KCMF1: variants seen among roughly 807,000 people sequenced by gnomAD.
KCMF1 encodes the protein E3 ubiquitin-protein ligase KCMF1.
KCMF1 carries 3 observed loss-of-function variants against 41.1 expected under a neutral mutation model. That is an observed-to-expected ratio of 0.07 (90% confidence interval 0.03 to 0.19). The LOEUF is 0.19. Among genes scored for constraint, KCMF1 ranks in the 10% least tolerant of loss-of-function variants. The pLI is 1.00. For missense variants in KCMF1, 286 were observed against 488.9 expected (o/e 0.58, Z 3.91); for synonymous variants, 142 against 164.5 (o/e 0.86, Z 1.04).
chr2:85,010,116 T>C (rs930177816), intron 1 of KCMF1, among the ~76,000 whole-genome samples: 1 of 152,232 alleles, frequency 6.6e-6, no homozygotes, highest in East Asian at 1.9e-4. Flanking sequence ...AATTGTCTTT[T>C]ATTTCAATTT....
At chr2:85,022,863 T>TAGGAAAAAC (rs1674977567) in intron 1 of KCMF1, among the ~76,000 whole-genome samples, 5 of 151,766 alleles carry the variant, frequency 3.3e-5, no homozygotes, top group Admixed American at 2.0e-4. Context: ...GATACTGGTT[T>TAGGAAAAAC]TCAACTTTAT....
chr2:84,985,846 G>T (rs2103971392), intron 1 of KCMF1, among the ~76,000 whole-genome samples: 1 of 151,426 alleles, frequency 6.6e-6, no homozygotes, highest in Admixed American at 6.6e-5. Flanking sequence ...AAAAACCCTT[G>T]GGCCTAGAAA....
intron 6 of KCMF1, among the ~76,000 whole-genome samples, chr2:85,051,808 C>T (rs1675814757): frequency 6.6e-6 from 1 of 152,188 alleles, no homozygotes; most frequent in African/African-American, 2.4e-5. Context: ...TACTGTTGGG[C>T]TTCTTAGAAC....
At chr2:85,049,332 A>G (rs1675748830) in intron 5 of KCMF1, 34 bp from the exon 6 acceptor site, 1 of 1,604,098 alleles carries the variant, frequency 6.2e-7, no homozygotes, top group Non-Finnish European at 8.5e-7. Flanking sequence ...CTCAGTATTA[A>G]GCAGACATTA....
At chr2:84,995,693 C>T (rs554539308) in intron 1 of KCMF1, among the ~76,000 whole-genome samples, 1 of 152,272 alleles carries the variant, frequency 6.6e-6, no homozygotes, top group South Asian at 2.1e-4. Context: ...TGGCTCATGC[C>T]TGTAATCCCA....
chr2:85,010,151 G>C (rs938644002), intron 1 of KCMF1, among the ~76,000 whole-genome samples: 2 of 152,088 alleles, frequency 1.3e-5, no homozygotes, highest in African/African-American at 2.4e-5. Flanking sequence ...AAGAGTTTCA[G>C]AAAGCAACAA....
chr2:84,973,835 T>C (rs1673463245), intron 1 of KCMF1, among the ~76,000 whole-genome samples: 1 of 145,680 alleles, frequency 6.9e-6, no homozygotes, highest in Non-Finnish European at 1.5e-5. Flanking sequence ...CTTTTTTTTT[T>C]TTTTTTTTTT....
At chr2:84,982,927 C>T (rs1673802003) in intron 1 of KCMF1, among the ~76,000 whole-genome samples, 2 of 152,176 alleles carry the variant, frequency 1.3e-5, no homozygotes, top group African/African-American at 4.8e-5. Context: ...ATTTTCTCTT[C>T]TCTAGGAAAA....
At chr2:84,984,292 G>C (rs568655700) in intron 1 of KCMF1, among the ~76,000 whole-genome samples, 1 of 152,042 alleles carries the variant, frequency 6.6e-6, no homozygotes, top group African/African-American at 2.4e-5. Flanking sequence ...GTAGGGATGG[G>C]GTCTTGCTGT....
intron 1 of KCMF1, among the ~76,000 whole-genome samples, chr2:85,005,295 TA>T (rs199606510): frequency 1.3e-4 from 20 of 151,674 alleles, no homozygotes; most frequent in African/African-American, 2.7e-4. Context: ...TTTATTTATT[TA>T]TTTTTTTTTT....
chr2:85,017,336 C>T (rs968260941), intron 1 of KCMF1, among the ~76,000 whole-genome samples: 13 of 152,284 alleles, frequency 8.5e-5, no homozygotes, highest in Non-Finnish European at 1.5e-4. Flanking sequence ...ATCTAAGATC[C>T]TCTTCTAAGG....
intron 1 of KCMF1, among the ~76,000 whole-genome samples, chr2:85,026,491 T>C (rs1030426356): frequency 6.8e-6 from 1 of 147,138 alleles, no homozygotes; most frequent in Non-Finnish European, 1.5e-5. Flanking sequence ...TTATTATTAT[T>C]ATTATTTTTA....
intron 3 of KCMF1, among the ~76,000 whole-genome samples, chr2:85,039,640 T>C (rs981066380): frequency 1.4e-4 from 22 of 152,162 alleles, no homozygotes; most frequent in Admixed American, 1.4e-3. Flanking sequence ...ATGGAGACTC[T>C]GTACGTTCTT....
At chr2:84,981,440 C>T (rs1031344750) in intron 1 of KCMF1, among the ~76,000 whole-genome samples, 5 of 152,054 alleles carry the variant, frequency 3.3e-5, no homozygotes, top group Admixed American at 1.3e-4. Context: ...CCACCCACCT[C>T]GGCCTCCCAA....
chr2:85,028,444 C>T (rs1394069964), intron 2 of KCMF1, among the ~76,000 whole-genome samples: 1 of 150,468 alleles, frequency 6.6e-6, no homozygotes, highest in Non-Finnish European at 1.5e-5. Flanking sequence ...CTCAGCCGCC[C>T]AAAGTGCTGG....
chr2:85,016,066 TTGTTTTAAA>T (rs1338413384), intron 1 of KCMF1, among the ~76,000 whole-genome samples: 6 of 152,160 alleles, frequency 3.9e-5, no homozygotes, highest in South Asian at 2.1e-4. Flanking sequence ...TCAGAAAGGG[TTGTTTTAAA>T]TGTTTTAAAT....
At chr2:84,974,089 A>C (rs1359759440) in intron 1 of KCMF1, among the ~76,000 whole-genome samples, 1 of 151,956 alleles carries the variant, frequency 6.6e-6, no homozygotes, top group Non-Finnish European at 1.5e-5. Context: ...TGGCCTCCCA[A>C]AGTGCTGGGA....
At chr2:85,046,390 G>GATTA in intron 5 of KCMF1, 112 bp downstream of exon 5, 3 of 771,056 alleles carry the variant, frequency 3.9e-6, no homozygotes, top group Non-Finnish European at 6.1e-6. Flanking sequence ...AGCACTCTGG[G>GATTA]AGGCTGGAGC....
chr2:85,009,075 C>A (rs1457749633), intron 1 of KCMF1, among the ~76,000 whole-genome samples: 2 of 152,062 alleles, frequency 1.3e-5, no homozygotes, highest in Non-Finnish European at 2.9e-5. Context: ...GGCTCTGTAT[C>A]CCCACCCAAA....
Sources: allele counts gnomAD v4.1 joint callset (sites outside exome capture counted in the v4.1 genomes callset), GRCh38; gene constraint gnomAD v4.1.1; transcripts MANE v1.5; gene names NCBI Gene and HGNC (gene_info 2026-07-23, HGNC 2026-07-21).